The following STARD10 variants were observed in gnomAD, a reference collection of about 807,000 sequenced individuals.
STARD10 encodes START domain-containing protein 10.
A neutral mutation model predicts 36.0 loss-of-function variants in STARD10; 24 were observed. The observed-to-expected ratio is 0.67, with a 90% CI of 0.48 to 0.94. The LOEUF is 0.94. Among genes scored for constraint, STARD10 ranks in the 40% least tolerant of loss-of-function variants. The pLI, the probability that STARD10 is intolerant of heterozygous loss-of-function variation, is 0.00. For synonymous variants in STARD10, 156 were observed against 161.9 expected (o/e 0.96, Z 0.28); for missense variants, 335 against 396.6 (o/e 0.84, Z 1.32).
chr11:72,768,636 T>C (rs7936968), intron 2 of STARD10, among the ~76,000 whole-genome samples: 19,443 of 152,226 alleles, frequency 0.13, 1,594 homozygotes, highest in African/African-American at 0.22. Flanking sequence ...GTCTTCAATA[T>C]GTCTTCAAAC....
At chr11:72,785,475 C>T (rs1859059496) in intron 1 of STARD10, among the ~76,000 whole-genome samples, 5 of 145,130 alleles carry the variant, frequency 3.4e-5, no homozygotes, top group East Asian at 2.1e-4. Flanking sequence ...GCAGGAAAAT[C>T]GCTTGAACCT....
chr11:72,757,964 C>G (rs899900505), intron 4 of STARD10, 80 bp from the exon 5 acceptor site: 1 of 1,142,314 alleles, frequency 8.8e-7, no homozygotes, highest in Non-Finnish European at 1.3e-6. Context: ...CAAACGCGCA[C>G]GCGCACACAC....
At chr11:72,765,025 C>G (rs1270572035) in intron 2 of STARD10, among the ~76,000 whole-genome samples, 1 of 152,160 alleles carries the variant, frequency 6.6e-6, no homozygotes, top group South Asian at 2.1e-4. Flanking sequence ...CCTAGCACTT[C>G]GGGAGGCCGA....
In STARD10 at chr11:72,781,434, T is replaced by G; in HGVS notation, c.-113-140A>C. ...GGACGGGCGCTGGACAGCCTCGGGG[T>G]CCCCCTCCCGAGGAGCGCCCCAGAC... On this transcript the variant is annotated intron_variant, in intron 1 of 6. Coordinates refer to ENST00000334805, the MANE Select transcript of STARD10 (RefSeq NM_006645.3). This position sits in a 1 kb window ranked among gnomAD's most constrained non-coding sequence, Gnocchi z 4.7. The G allele has an allele frequency of 1.4e-5, 7 of 496,328 alleles. No homozygotes were observed. Among genetic ancestry groups the G allele is most frequent in the Middle Eastern group, 5.5e-4 (1 of 1,812 alleles). The allele number at this position is 496,328 out of a possible 1,614,324, so 30.7% of individuals were successfully genotyped here.
intron 2 of STARD10, among the ~76,000 whole-genome samples, chr11:72,761,917 CTTTTTT>C (rs1189000490): frequency 2.1e-4 from 8 of 37,478 alleles, no homozygotes; most frequent in Admixed American, 3.2e-4. Context: ...CTTTTCTTTT[CTTTTTT>C]TTTTTTTTTT....
In STARD10 at chr11:72,757,879, G is replaced by T. The variant is rs371252313; in HGVS notation, c.465C>A (p.Tyr155Ter). The change falls in exon 5 of 7, where the codon TAC becomes TAA. Residue 155 changes from tyrosine (Y) to a stop codon, truncating the protein, a stop_gained. Coordinates refer to ENST00000334805, the MANE Select transcript of STARD10 (RefSeq NM_006645.3). LOFTEE classifies it high-confidence loss of function. ...CTCGGACCAAGTCTTTCCGAGGTGG[G>T]TATTTCTGGGGATGGAAGGCACAGG... is the stretch of plus-strand genomic sequence containing the variant. Reference protein sequence around the residue: ...IMNYSVKHPKYPPRKDLVRAV... With the variant: ...IMNYSVKHPK The T allele has an allele frequency of 5.8e-5, 93 of 1,614,022 alleles. No homozygotes were observed. The highest frequency in any genetic ancestry group is 7.7e-5 in the Non-Finnish European group (91 of 1,179,986).
Position 72,754,997 on chromosome 11 carries a change from G to T in STARD10, c.776C>A (p.Ser259Ter). The T allele has an allele frequency of 6.2e-7, 1 of 1,612,952 alleles. No homozygotes were observed. Reference sequence around the variant, plus strand: ...CGCGCTCTCGTCGATGTTCTCCAGTGAGTCCGCATGCTGCACCGACAGCTC... The same window carrying T: ...CGCGCTCTCGTCGATGTTCTCCAGTTAGTCCGCATGCTGCACCGACAGCTC... ...LSELSVQHAD[S>*]LENIDESAVA... is the part of the protein sequence containing the mutation. Residue 259 changes from serine to a stop codon, truncating the protein, a stop_gained, in exon 7 of 7, where the codon TCA becomes TAA. Transcript: ENST00000334805. LOFTEE classifies it high-confidence loss of function.
At chr11:72,783,838 C>A (rs1370083212) in intron 1 of STARD10, among the ~76,000 whole-genome samples, 1 of 152,132 alleles carries the variant, frequency 6.6e-6, no homozygotes, top group Admixed American at 6.5e-5. Context: ...AGAAGGACTT[C>A]CCCACCCTAG....
At chr11:72,775,162 CACA>C (rs747447908) in intron 2 of STARD10, among the ~76,000 whole-genome samples, 7 of 152,186 alleles carry the variant, frequency 4.6e-5, no homozygotes, top group Non-Finnish European at 1.0e-4. Flanking sequence ...TCCCAGCCTG[CACA>C]ACACTTCACA....
Position 72,754,818 on chromosome 11 carries a change from G to A in STARD10, c.*79C>T. 2.0e-6 allele frequency: 3 copies of A among 1,537,862 alleles called. No individual in the cohort carries two copies. Among genetic ancestry groups the A allele is most frequent in the Non-Finnish European group, 2.6e-6 (3 of 1,147,802 alleles). On this transcript the variant is annotated 3_prime_UTR_variant, in exon 7 of 7. Coordinates refer to ENST00000334805, the MANE Select transcript of STARD10 (RefSeq NM_006645.3). Reference sequence around the variant, plus strand: ...CCCGGTGCCACCAGGTGCCGGGTGGGGGAGGGGAGAAAGTGCAGGAGCGGC... The same window carrying A: ...CCCGGTGCCACCAGGTGCCGGGTGGAGGAGGGGAGAAAGTGCAGGAGCGGC...
chr11:72,789,712 G>A (rs752214769), intron 1 of STARD10, among the ~76,000 whole-genome samples: 1 of 152,130 alleles, frequency 6.6e-6, no homozygotes, highest in Non-Finnish European at 1.5e-5. Context: ...TCTGAGAATG[G>A]GGCTGAAGGC....
intron 1 of STARD10, among the ~76,000 whole-genome samples, chr11:72,787,194 G>T (rs1370262550): frequency 6.6e-6 from 1 of 151,810 alleles, no homozygotes; most frequent in East Asian, 1.9e-4. Context: ...CAGATGGCCT[G>T]GCCAAGCCAT....
intron 2 of STARD10, among the ~76,000 whole-genome samples, chr11:72,775,206 C>G (rs1858914901): frequency 6.6e-6 from 1 of 152,212 alleles, no homozygotes; most frequent in Admixed American, 6.5e-5. Flanking sequence ...TATGCTATAA[C>G]CATCATATCC....
chr11:72,762,254 T>G (rs72964856), intron 2 of STARD10, among the ~76,000 whole-genome samples: 14,152 of 152,014 alleles, frequency 0.093, 742 homozygotes, highest in South Asian at 0.19. Context: ...TTATCTAACA[T>G]GTATAGTACT....
At chr11:72,791,375 T>A (rs1565247258) in intron 1 of STARD10, among the ~76,000 whole-genome samples, 1 of 152,176 alleles carries the variant, frequency 6.6e-6, no homozygotes, top group Non-Finnish European at 1.5e-5. Context: ...CCTGTCGTAG[T>A]CCAGTTCTAC....
intron 1 of STARD10, among the ~76,000 whole-genome samples, chr11:72,790,769 G>A (rs1338948500): frequency 6.6e-6 from 1 of 152,260 alleles, no homozygotes; most frequent in African/African-American, 2.4e-5. Context: ...TCATGTGCAT[G>A]TGCAGGTGTA....
At chr11:72,755,503 G>C (rs1361037453) in intron 6 of STARD10, 198 bp downstream of exon 6, 1 of 656,622 alleles carries the variant, frequency 1.5e-6, no homozygotes, top group South Asian at 1.5e-5. Flanking sequence ...TAGAGACAGG[G>C]TTTCACCATG....
At chr11:72,756,828 G>A (rs1024030662) in intron 5 of STARD10, among the ~76,000 whole-genome samples, 8 of 72,788 alleles carry the variant, frequency 1.1e-4, no homozygotes, top group Non-Finnish European at 1.8e-4. Context: ...AGGAACTGCC[G>A]AGGAGGAGGC....
intron 2 of STARD10, among the ~76,000 whole-genome samples, chr11:72,764,434 A>G (rs1187785258): frequency 6.6e-6 from 1 of 152,238 alleles, no homozygotes; most frequent in African/African-American, 2.4e-5. Flanking sequence ...TTCCCAGGCT[A>G]GTGGCAGACT....
Sources: allele counts gnomAD v4.1 joint callset (sites outside exome capture counted in the v4.1 genomes callset), GRCh38; gene constraint gnomAD v4.1.1; non-coding constraint Gnocchi (gnomAD v3.1); transcripts MANE v1.5; gene names NCBI Gene and HGNC (gene_info 2026-07-23, HGNC 2026-07-21).